Variants in SCMH1 observed in about 807,000 individuals in gnomAD.
SCMH1 encodes the protein polycomb protein SCMH1.
In SCMH1, 37 loss-of-function variants were observed where a neutral mutation model predicts 70.8. That is an observed-to-expected ratio of 0.52 (90% CI 0.40 to 0.69). The LOEUF (loss-of-function observed/expected upper bound fraction) is 0.69. Among genes scored for constraint, SCMH1 ranks in the 30% least tolerant of loss-of-function variants. SCMH1 has a pLI of 0.00. For synonymous variants in SCMH1, 292 were observed against 307.4 expected (o/e 0.95, Z 0.52); for missense variants, 607 against 827.3 (o/e 0.73, Z 3.27).
chr1:41,069,309 G>C (rs1252376774), intron 10 of SCMH1, among the ~76,000 whole-genome samples: 4 of 152,096 alleles, frequency 2.6e-5, no homozygotes, highest in Non-Finnish European at 5.9e-5. Flanking sequence ...CTTCTAGAGT[G>C]GGTAGTCATT....
At chr1:41,235,757 T>C (rs1289451578) in intron 1 of SCMH1, among the ~76,000 whole-genome samples, 2 of 152,172 alleles carry the variant, frequency 1.3e-5, no homozygotes, top group East Asian at 1.9e-4. Flanking sequence ...TGGAGATACC[T>C]ACTATCCTTA....
exon 14 of SCMH1, chr1:41,028,627 G>C: frequency 6.2e-7 from 1 of 1,614,196 alleles, no homozygotes. Context: ...CTGAGGATCA[G>C]CTTCCCGGAC....
intron 1 of SCMH1, among the ~76,000 whole-genome samples, chr1:41,212,938 T>C (rs1657342564): frequency 6.6e-6 from 1 of 152,048 alleles, no homozygotes; most frequent in Admixed American, 6.6e-5. Flanking sequence ...ATAAAGAACC[T>C]ACTATAAATT....
chr1:41,164,605 A>AT, intron 2 of SCMH1, among the ~76,000 whole-genome samples: 1 of 152,128 alleles, frequency 6.6e-6, no homozygotes, highest in South Asian at 2.1e-4. Context: ...TTCATTCATG[A>AT]TTTTTTCTGA....
intron 1 of SCMH1, among the ~76,000 whole-genome samples, chr1:41,194,991 C>T (rs1212166336): frequency 6.6e-6 from 1 of 151,796 alleles, no homozygotes; most frequent in African/African-American, 2.4e-5. Flanking sequence ...ATTAGCTGCG[C>T]TTGGTGGCAC....
In SCMH1 at chr1:41,178,546, T is replaced by C. The variant is rs189554382; in HGVS notation, c.13+7575A>G. Among the ~76,000 whole-genome samples, 168 of 152,144 alleles carry C rather than the reference T, an allele frequency of 1.1e-3. 2 individuals are homozygous for C. In the East Asian group the frequency reaches 0.022, roughly 20 times the overall value. On this transcript the variant is annotated intron_variant, in intron 2 of 14. Coordinates refer to ENST00000337495, the Ensembl canonical transcript of SCMH1. ...AATAAAGGGATGGAGGAAGATCTAC[T>C]GAGCAAATGAAAAACAAAAAAAGGC...
intron 8 of SCMH1, among the ~76,000 whole-genome samples, chr1:41,075,950 A>G (rs750911257): frequency 1.3e-5 from 2 of 152,236 alleles, no homozygotes; most frequent in African/African-American, 2.4e-5. Flanking sequence ...TAGTTTGACT[A>G]TTGCAGTGAG....
intron 5 of SCMH1, among the ~76,000 whole-genome samples, chr1:41,145,872 A>G (rs1456857854): frequency 6.6e-6 from 1 of 152,218 alleles, no homozygotes; most frequent in Non-Finnish European, 1.5e-5. Context: ...AGCTGTATAA[A>G]AGTATAGCAC....
intron 1 of SCMH1, among the ~76,000 whole-genome samples, chr1:41,238,631 A>G (rs1662867318): frequency 1.3e-5 from 2 of 152,174 alleles, no homozygotes. Flanking sequence ...CTCTCTACAC[A>G]GATGACTCAT....
intron 6 of SCMH1, among the ~76,000 whole-genome samples, chr1:41,136,220 A>G (rs961084363): frequency 1.3e-5 from 2 of 152,172 alleles, no homozygotes; most frequent in Non-Finnish European, 2.9e-5. Context: ...TGCTGGGATC[A>G]CAGGTGTGAG....
chr1:41,039,568 C>T (rs776494682), intron 12 of SCMH1, among the ~76,000 whole-genome samples: 11 of 152,058 alleles, frequency 7.2e-5, no homozygotes, highest in Non-Finnish European at 1.6e-4. Context: ...CAACCTCCAC[C>T]TCCTGGGTTC....
intron 8 of SCMH1, among the ~76,000 whole-genome samples, chr1:41,111,147 G>C (rs1424888715): frequency 6.6e-6 from 1 of 152,124 alleles, no homozygotes; most frequent in African/African-American, 2.4e-5. Flanking sequence ...TTATTATTGA[G>C]TTATAGGTGT....
chr1:41,028,149 G>A (rs1290345915), exon 15 of SCMH1: 1 of 1,611,724 alleles, frequency 6.2e-7, no homozygotes, highest in Middle Eastern at 1.7e-4. Flanking sequence ...CTAGAAGAAT[G>A]CCCCCACCTG....
At chr1:41,120,645 T>A (rs149065521) in intron 6 of SCMH1, among the ~76,000 whole-genome samples, 13 of 152,304 alleles carry the variant, frequency 8.5e-5, no homozygotes, top group Non-Finnish European at 1.8e-4. Context: ...CAAATTCAAG[T>A]ATATCCATAA....
At position 41,088,053 on chromosome 1, in the gene SCMH1, T is replaced by C. The variant is rs1416786179; in HGVS notation, c.746-12602A>G. The stretch of plus-strand genomic sequence containing the variant: ...ATACACACACACATACACAATGGAG[T>C]AGTCTACAGCTTAGAATAAGGGAGA... On this transcript the variant is annotated intron_variant, in intron 8 of 14. Coordinates refer to ENST00000337495, the Ensembl canonical transcript of SCMH1. Among the ~76,000 whole-genome samples the C allele has an allele frequency of 6.6e-5, 10 of 150,976 alleles. No homozygotes were observed. The Admixed American group carries it at 6.6e-4, about 10-fold the overall frequency.
At chr1:41,099,764 T>C (rs1233560765) in intron 8 of SCMH1, among the ~76,000 whole-genome samples, 2 of 152,224 alleles carry the variant, frequency 1.3e-5, no homozygotes, top group Non-Finnish European at 2.9e-5. Context: ...CGTTTCCTTA[T>C]GTAAAATATG....
chr1:41,038,278 C>T, intron 12 of SCMH1, among the ~76,000 whole-genome samples: 1 of 152,158 alleles, frequency 6.6e-6, no homozygotes, highest in East Asian at 1.9e-4. Flanking sequence ...ATACCCAGTC[C>T]ATGGCCCAAC....
intron 6 of SCMH1, among the ~76,000 whole-genome samples, chr1:41,138,424 T>C (rs1395086483): frequency 6.6e-6 from 1 of 152,248 alleles, no homozygotes; most frequent in Non-Finnish European, 1.5e-5. Context: ...ACATATCGTG[T>C]ACATATACAT....
intron 10 of SCMH1, among the ~76,000 whole-genome samples, chr1:41,057,644 C>T (rs1650895219): frequency 6.6e-6 from 1 of 152,150 alleles, no homozygotes. Flanking sequence ...GAAAAAGCGG[C>T]ACACTCAGAT....
Sources: allele counts gnomAD v4.1 joint callset (sites outside exome capture counted in the v4.1 genomes callset), GRCh38; gene constraint gnomAD v4.1.1; transcripts MANE v1.5; gene names NCBI Gene and HGNC (gene_info 2026-07-23, HGNC 2026-07-21).